ADGRF1: variants seen among roughly 807,000 people sequenced by gnomAD.
ADGRF1 encodes G protein-coupled receptor 110.
In ADGRF1, 85 loss-of-function variants were observed where a neutral mutation model predicts 87.2. The ratio of observed to expected loss-of-function variants is 0.97; its 90% CI spans 0.82 to 1.17. The LOEUF (loss-of-function observed/expected upper bound fraction) is 1.17. Ranked by LOEUF, ADGRF1 falls within the 50% of genes most tolerant of loss-of-function variation. The probability of loss-of-function intolerance (pLI) is 0.00; values close to 1 mark genes in which losing one functional copy is unlikely to be tolerated. For missense variants in ADGRF1, 1,169 were observed against 1,077.2 expected (o/e 1.09, Z -1.19); for synonymous variants, 430 against 408.8 (o/e 1.05, Z -0.63).
chr6:47,016,618 T>C lies in ADGRF1; in HGVS notation c.762A>G (p.Lys254=). The C allele has an allele frequency of 6.3e-7, 1 of 1,594,888 alleles. No homozygotes were observed. Among genetic ancestry groups the C allele is most frequent in the Non-Finnish European group, 8.6e-7 (1 of 1,166,820 alleles). Residue 254 remains lysine, a splice_region_variant and synonymous_variant, in exon 8 of 15, where the codon AAA becomes AAG. Coordinates refer to ENST00000371253, the MANE Select transcript of ADGRF1 (RefSeq NM_153840.4). The part of the protein sequence containing the change: ...LEDGSFRVFG[K]AQCNDIVFGF... ...CAGAGGATGGGAATCCAGCATTACCTTTTCCGAACACTCTGAAAGAGCCGT... is the reference window on the plus strand; with the variant it reads ...CAGAGGATGGGAATCCAGCATTACCCTTTCCGAACACTCTGAAAGAGCCGT...
Position 47,009,363 on chromosome 6 carries a change from T to G in ADGRF1, c.2072A>C (p.His691Pro). ...LLAYRIILVF[H>P]HMAQHLMMAV... The stretch of plus-strand genomic sequence containing the variant: ...CATCATCAAATGCTGGGCCATGTGA[T>G]GGAACACGAGGATGATCCGGTAAGC... Residue 691 changes from histidine (H) to proline (P), a missense_variant, in exon 11 of 15, where the codon CAT (histidine) becomes CCT (proline). His to Pro is a moderately conservative substitution (Grantham distance 77). Transcript: ENST00000371253. 3.7e-6 allele frequency: 6 copies of G among 1,614,126 alleles called. No homozygotes were observed. Among genetic ancestry groups the G allele is most frequent in the Non-Finnish European group, 5.1e-6 (6 of 1,180,022 alleles).
chr6:47,038,287 G>A (rs935116310), intron 1 of ADGRF1, among the ~76,000 whole-genome samples: 1 of 152,058 alleles, frequency 6.6e-6, no homozygotes, highest in Admixed American at 6.6e-5. Flanking sequence ...TAGGTTTTGG[G>A]ACGAAATAAG....
At chr6:47,015,406 A>C (rs1216785087) in intron 8 of ADGRF1, among the ~76,000 whole-genome samples, 1 of 148,196 alleles carries the variant, frequency 6.7e-6, no homozygotes, top group African/African-American at 2.6e-5. Context: ...AAGATCCACA[A>C]GGGCTATGAT....
Position 47,009,696 on chromosome 6 carries a change from G to T in ADGRF1, c.1739C>A (p.Thr580Lys), listed in dbSNP as rs755841682. The change falls in exon 11 of 15, where the codon ACA becomes AAA. Residue 580 changes from threonine to lysine, a missense_variant. Thr to Lys is a moderately conservative substitution (Grantham distance 78, BLOSUM62 -1). Coordinates refer to ENST00000371253, the MANE Select transcript of ADGRF1 (RefSeq NM_153840.4). Reference protein sequence around the residue: ...SILMSPFVPSTIFPVVKWITY... With the variant: ...SILMSPFVPSKIFPVVKWITY... Reference sequence around the variant, plus strand: ...GATCCATTTTACAACGGGGAAGATTGTAGAGGGGACAAAAGGTGACATCAA... The same window carrying T: ...GATCCATTTTACAACGGGGAAGATTTTAGAGGGGACAAAAGGTGACATCAA... 2 of 1,614,188 alleles carry T rather than the reference G, an allele frequency of 1.2e-6. No individual in the cohort carries two copies. Among genetic ancestry groups the T allele is most frequent in the Admixed American group, 3.3e-5 (2 of 60,026 alleles).
chr6:47,025,020 C>A (rs1473055622), intron 4 of ADGRF1, among the ~76,000 whole-genome samples: 3 of 152,190 alleles, frequency 2.0e-5, no homozygotes, highest in African/African-American at 7.2e-5. Flanking sequence ...CCCAAGTAGG[C>A]CTTATAAGCA....
intron 7 of ADGRF1, chr6:47,018,408 A>G (rs1456874215): frequency 7.8e-7 from 1 of 1,279,592 alleles, no homozygotes; most frequent in Non-Finnish European, 1.0e-6. Context: ...TCAAATTCTT[A>G]CTACATTGAA....
intron 1 of ADGRF1, among the ~76,000 whole-genome samples, chr6:47,030,549 G>T (rs1480019053): frequency 6.6e-6 from 1 of 150,546 alleles, no homozygotes; most frequent in Non-Finnish European, 1.5e-5. Flanking sequence ...GGATCCCATA[G>T]AAAGAAAGAT....
In ADGRF1 at chr6:47,012,145, G is replaced by T. The variant is rs762621137; in HGVS notation, c.978C>A (p.Phe326Leu). The change falls in exon 10 of 15, where the codon TTC (phenylalanine) becomes TTA (leucine). Residue 326 changes from phenylalanine (F) to leucine (L), a missense_variant. Coordinates refer to ENST00000371253, the MANE Select transcript of ADGRF1 (RefSeq NM_153840.4). ...GAATGATGACAGAAAGATTTTGCAC[G>T]AAGGATGACACAGCTGCCTCAGTGG... ...GNATEAAVSS[F>L]VQNLSVIIRQ... is the part of the protein sequence containing the mutation. 1.9e-6 allele frequency: 3 copies of T among 1,613,876 alleles called. No homozygotes were observed. In the South Asian group the frequency reaches 3.3e-5, roughly 18 times the overall value.
At chr6:47,005,171 A>G (rs1779485832) in intron 13 of ADGRF1, among the ~76,000 whole-genome samples, 1 of 152,162 alleles carries the variant, frequency 6.6e-6, no homozygotes, top group South Asian at 2.1e-4. Context: ...AATATTGAAA[A>G]CACAAAATAT....
chr6:47,029,589 G>A (rs935204944), intron 1 of ADGRF1, among the ~76,000 whole-genome samples: 2 of 152,130 alleles, frequency 1.3e-5, no homozygotes, highest in East Asian at 3.8e-4. Flanking sequence ...TTAGCAAAAA[G>A]ATGTCCTCGA....
intron 3 of ADGRF1, 60 bp downstream of exon 3, chr6:47,027,644 T>C (rs961706725): frequency 2.6e-5 from 30 of 1,140,654 alleles, no homozygotes; most frequent in Non-Finnish European, 3.8e-5. Context: ...CCGCTGGGAT[T>C]AGAAACCTGG....
chr6:47,030,545 C>T (rs1249129978), intron 1 of ADGRF1, among the ~76,000 whole-genome samples: 3 of 149,842 alleles, frequency 2.0e-5, no homozygotes, highest in Non-Finnish European at 4.4e-5. Context: ...GACAGGATCC[C>T]ATAGAAAGAA....
chr6:47,038,838 T>C (rs1780662489), intron 1 of ADGRF1, among the ~76,000 whole-genome samples: 1 of 152,242 alleles, frequency 6.6e-6, no homozygotes, highest in African/African-American at 2.4e-5. Context: ...ATGATATGCC[T>C]AAGAAATATA....
chr6:47,016,755 C>G lies in ADGRF1; in HGVS notation c.625G>C (p.Val209Leu), dbSNP rs150127720. Residue 209 changes from valine to leucine, a missense_variant, in exon 8 of 15, where the codon GTT becomes CTT. Physicochemically the swap from Val to Leu is conservative, Grantham distance 32 (BLOSUM62 1). Coordinates refer to ENST00000371253, the MANE Select transcript of ADGRF1 (RefSeq NM_153840.4). ...GAGCCAACAACTTCATACCCAGCAA[C>G]GATGCTTCCATTTCTGCAGTGATTA... ...QVTQFRNGSI[V>L]AGYEVVGSSS... 6.3e-7 allele frequency: 1 copy of G among 1,584,444 alleles called. No homozygotes were observed. Among genetic ancestry groups the G allele is most frequent in the African/African-American group, 1.3e-5 (1 of 74,190 alleles).
rs1779820703 is a variant in ADGRF1, at chr6:47,014,925, A to G, written c.764-81T>C. On this transcript the variant is annotated intron_variant, in intron 8 of 14. Coordinates refer to ENST00000371253, the MANE Select transcript of ADGRF1 (RefSeq NM_153840.4). ...ATATAAACCATGTAGTCATGTTCAA[A>G]TGTTTTAGAACTCATTTTTGGAGAT... is the stretch of plus-strand genomic sequence containing the variant. The G allele has an allele frequency of 3.5e-6, 5 of 1,422,540 alleles. No homozygotes were observed. In the South Asian group the frequency reaches 8.1e-5, roughly 23 times the overall value. The allele number at this position is 1,422,540 out of a possible 1,614,324, so 88.1% of individuals were successfully genotyped here. A position where few individuals can be genotyped will look rare whatever the true frequency, so the allele number is the denominator to read the frequency against.
chr6:47,022,740 G>A (rs1484601429), intron 5 of ADGRF1, among the ~76,000 whole-genome samples: 1 of 148,518 alleles, frequency 6.7e-6, no homozygotes, highest in East Asian at 2.0e-4. Flanking sequence ...ATCCAGTTTT[G>A]TATCTTTCAA....
Position 47,029,007 on chromosome 6 carries a change from C to A in ADGRF1, c.55G>T (p.Gly19Cys). 1 of 1,613,972 alleles carries A rather than the reference C, an allele frequency of 6.2e-7. No homozygotes were observed. Reference sequence around the variant, plus strand: ...CACCAACTCACCCCCAGGAAGCCACCGTGGCCGTCAGTGAAGGTGAAGAAA... The same window carrying A: ...CACCAACTCACCCCCAGGAAGCCACAGTGGCCGTCAGTGAAGGTGAAGAAA... Reference protein sequence around the residue: ...ISFFTFTDGHGGFLGKNDGIK... With the variant: ...ISFFTFTDGHCGFLGKNDGIK... The change falls in exon 2 of 15, where the codon GGT becomes TGT. Residue 19 changes from glycine (G) to cysteine (C), a missense_variant. Coordinates refer to ENST00000371253, the MANE Select transcript of ADGRF1 (RefSeq NM_153840.4).
intron 10 of ADGRF1, 104 bp from the exon 11 acceptor site, chr6:47,010,422 A>G: frequency 1.1e-6 from 1 of 951,038 alleles, no homozygotes; most frequent in Non-Finnish European, 1.5e-6. Flanking sequence ...TGCCCAGAGA[A>G]TTGGCTCAGT....
intron 3 of ADGRF1, among the ~76,000 whole-genome samples, chr6:47,026,309 G>A (rs1306068996): frequency 6.6e-6 from 1 of 152,090 alleles, no homozygotes; most frequent in Admixed American, 6.6e-5. Flanking sequence ...CACACCCAGA[G>A]TCAAGCTTCA....
Sources: gnomAD v4.1 joint callset for allele counts (sites outside exome capture counted in the v4.1 genomes callset) on GRCh38, gnomAD v4.1.1 for gene constraint, MANE v1.5 for transcripts, NCBI Gene and HGNC (gene_info 2026-07-23, HGNC 2026-07-21) for gene names.